The following LETM1 variants were observed in gnomAD, a reference collection of about 807,000 sequenced individuals.
LETM1 encodes the protein leucine zipper and EF-hand containing transmembrane protein 1, also known as mitochondrial proton/calcium exchanger protein.
LETM1 carries 50 observed loss-of-function variants against 74.5 expected under a neutral mutation model. The observed-to-expected ratio is 0.67, with a 90% confidence interval of 0.53 to 0.85. The LOEUF (loss-of-function observed/expected upper bound fraction) is 0.85. Ranked by LOEUF, LETM1 falls within the 40% of genes least tolerant of loss-of-function variation. The probability of loss-of-function intolerance (pLI) is 0.00; values close to 1 mark genes in which losing one functional copy is unlikely to be tolerated. For missense variants in LETM1, 824 were observed against 967.8 expected (o/e 0.85, Z 1.97); for synonymous variants, 446 against 407.1 (o/e 1.10, Z -1.15).
chr4:1,828,099 G>A (rs1712073867), intron 6 of LETM1, among the ~76,000 whole-genome samples: 1 of 124,390 alleles, frequency 8.0e-6, no homozygotes, highest in South Asian at 2.6e-4. Context: ...CAGGGGGGCT[G>A]ACACCCCCAC....
At chr4:1,824,918 G>A (rs1382004634) in intron 7 of LETM1, among the ~76,000 whole-genome samples, 1 of 152,214 alleles carries the variant, frequency 6.6e-6, no homozygotes, top group African/African-American at 2.4e-5. Flanking sequence ...GAGAGGAGAA[G>A]TGTGTACACA....
At position 1,819,992 on chromosome 4, in the gene LETM1, C is replaced by T. The variant is rs545464062; in HGVS notation, c.1609-520G>A. On this transcript the variant is annotated intron_variant, in intron 10 of 13. Coordinates refer to ENST00000302787, the MANE Select transcript of LETM1 (RefSeq NM_012318.3). Reference sequence around the variant, plus strand: ...TCACTCTGTTGCCCAGGCTGGAGGGCAGTGGTGCAATCATGGCTTGCTGCA... The same window carrying T: ...TCACTCTGTTGCCCAGGCTGGAGGGTAGTGGTGCAATCATGGCTTGCTGCA... Among the ~76,000 whole-genome samples, 48 of 152,242 alleles carry T rather than the reference C, an allele frequency of 3.2e-4. 1 individual carries two copies. The South Asian group carries it at 9.9e-3, about 32-fold the overall frequency.
intron 2 of LETM1, 41 bp from the exon 3 acceptor site, chr4:1,841,838 A>C (rs1244435186): frequency 6.8e-7 from 1 of 1,478,222 alleles, no homozygotes; most frequent in Non-Finnish European, 9.3e-7. Context: ...AAGAGCCAGC[A>C]CTAGCCTTTG....
rs745839823 is a variant in LETM1, at chr4:1,841,508, CG to C, written c.432del (p.Ala145GlnfsTer5). ...LEEGGPVYSP[P>X]AEVVVKKSLG... ...AGGGACTTCTTCACCACCACCTCTG[CG>C]GGGGGGCTGTACACCGGGCCGCCTT... is the stretch of plus-strand genomic sequence containing the variant. On this transcript the variant is annotated frameshift_variant, in exon 3 of 14. Transcript: ENST00000302787. LOFTEE classifies it high-confidence loss of function. 4 of 1,613,960 alleles carry C rather than the reference CG, an allele frequency of 2.5e-6. No homozygotes were observed. Among genetic ancestry groups the C allele is most frequent in the African/African-American group, 1.3e-5 (1 of 74,902 alleles).
chr4:1,823,582 C>A, intron 8 of LETM1, 62 bp downstream of exon 8: 1 of 1,601,732 alleles, frequency 6.2e-7, no homozygotes, highest in Non-Finnish European at 8.5e-7. Context: ...CCTCCCCCCA[C>A]CCCAGAAGAG....
At chr4:1,838,081 G>A (rs1284255638) in intron 3 of LETM1, among the ~76,000 whole-genome samples, 5 of 151,980 alleles carry the variant, frequency 3.3e-5, no homozygotes, top group African/African-American at 1.2e-4. Flanking sequence ...ACATTTCAGT[G>A]CACAGGATTA....
Position 1,841,510 on chromosome 4 carries a change from G to A in LETM1, c.431C>T (p.Pro144Leu), listed in dbSNP as rs376547370. The change falls in exon 3 of 14, where the codon CCC (proline) becomes CTC (leucine). Residue 144 changes from proline to leucine, a missense_variant. By Grantham distance (98) the Pro-to-Leu change is moderately conservative. Transcript: ENST00000302787. Reference protein sequence around the residue: ...LEEGGPVYSPPAEVVVKKSLG... With the variant: ...LEEGGPVYSPLAEVVVKKSLG... ...GGACTTCTTCACCACCACCTCTGCG[G>A]GGGGGCTGTACACCGGGCCGCCTTC... 1 of 1,614,210 alleles carries A rather than the reference G, an allele frequency of 6.2e-7. No homozygotes were observed. The highest frequency in any genetic ancestry group is 8.5e-7 in the Non-Finnish European group (1 of 1,180,036).
chr4:1,815,558 G>C (rs895667036), intron 13 of LETM1, 106 bp downstream of exon 13: 3 of 1,263,294 alleles, frequency 2.4e-6, no homozygotes, highest in African/African-American at 2.9e-5. Flanking sequence ...TGACAGGAGG[G>C]GGTAGCTGCC....
In LETM1 at chr4:1,855,054, G is replaced by A. The variant is rs189974099; in HGVS notation, c.82+815C>T. On this transcript the variant is annotated intron_variant, in intron 1 of 13. Coordinates refer to ENST00000302787, the MANE Select transcript of LETM1 (RefSeq NM_012318.3). The stretch of plus-strand genomic sequence containing the variant: ...AACTACAAAAAAAAAAATTAGCTGG[G>A]TGTTGTGTGGCACAACTAACAACTT... Among the ~76,000 whole-genome samples, 682 of 152,196 alleles carry A rather than the reference G, an allele frequency of 4.5e-3. 11 individuals are homozygous for A. Among genetic ancestry groups the A allele is most frequent in the Non-Finnish European group, 7.9e-3 (540 of 68,004 alleles).
chr4:1,818,385 G>A (rs1036559584), intron 11 of LETM1, among the ~76,000 whole-genome samples: 8 of 152,012 alleles, frequency 5.3e-5, no homozygotes, highest in African/African-American at 1.7e-4. Context: ...AGGCTGAGGC[G>A]GGTGGATCAT....
Position 1,825,638 on chromosome 4 carries a change from G to A in LETM1, c.1126C>T (p.Gln376Ter). Residue 376 changes from glutamine to a stop codon, truncating the protein, a stop_gained, in exon 7 of 14, where the codon CAG (glutamine) becomes TAG (stop). Transcript: ENST00000302787. LOFTEE classifies it high-confidence loss of function. ...ATGCCTCGTGCCCGACACGCTGCCT[G>A]CAGCTCCTTGACATTCAGGCTGTCC... The part of the protein sequence containing the change: ...GVDSLNVKEL[Q>*]AACRARGMRA... 2 of 1,614,044 alleles carry A rather than the reference G, an allele frequency of 1.2e-6. No individual in the cohort carries two copies. Among genetic ancestry groups the A allele is most frequent in the Non-Finnish European group, 1.7e-6 (2 of 1,179,966 alleles).
chr4:1,837,490 G>T, intron 3 of LETM1, among the ~76,000 whole-genome samples: 1 of 152,046 alleles, frequency 6.6e-6, no homozygotes. Flanking sequence ...TACAATTTAC[G>T]GCTGTCTTTA....
At chr4:1,844,745 T>TA (rs1241542279) in intron 2 of LETM1, among the ~76,000 whole-genome samples, 1,550 of 144,074 alleles carry the variant, frequency 0.011, 12 homozygotes, top group East Asian at 0.022. Context: ...GAGACTGTCT[T>TA]AAAAAAAAAA....
At chr4:1,855,814 C>T (rs947661750) in intron 1 of LETM1, 55 bp downstream of exon 1, 3 of 1,079,268 alleles carry the variant, frequency 2.8e-6, no homozygotes, top group African/African-American at 1.6e-5. Context: ...GGGTCGTCCG[C>T]GCTCCCGACC....
chr4:1,815,609 C>A, intron 13 of LETM1, 55 bp downstream of exon 13: 1 of 1,599,774 alleles, frequency 6.3e-7, no homozygotes, highest in Non-Finnish European at 8.5e-7. Flanking sequence ...CCCCCTGCCC[C>A]ACCCCACTCC....
intron 1 of LETM1, among the ~76,000 whole-genome samples, chr4:1,850,210 AGTTTCTGGAAGCCAGTTCT>A (rs1713021356): frequency 6.6e-6 from 1 of 152,202 alleles, no homozygotes; most frequent in African/African-American, 2.4e-5. Flanking sequence ...AACCTCTGTA[AGTTTCTGGAAGCCAGTTCT>A]GAGTGTTGGA....
intron 1 of LETM1, among the ~76,000 whole-genome samples, chr4:1,855,197 C>T (rs1713196461): frequency 1.3e-5 from 2 of 152,238 alleles, no homozygotes; most frequent in South Asian, 2.1e-4. Flanking sequence ...ATGTTTATTC[C>T]AATTTTACAA....
chr4:1,847,824 C>CA (rs778839346), intron 2 of LETM1, among the ~76,000 whole-genome samples: 1,356 of 41,200 alleles, frequency 0.033, 14 homozygotes, highest in Non-Finnish European at 0.041. Flanking sequence ...AACTCGGTCT[C>CA]AAAAAAAAAA....
chr4:1,838,439 G>A (rs1029947781), intron 3 of LETM1, among the ~76,000 whole-genome samples: 2 of 152,096 alleles, frequency 1.3e-5, no homozygotes, highest in African/African-American at 4.8e-5. Flanking sequence ...CACTTTGGGA[G>A]GCCGAGGCAG....
Sources: gnomAD v4.1 joint callset for allele counts (sites outside exome capture counted in the v4.1 genomes callset) on GRCh38, gnomAD v4.1.1 for gene constraint, MANE v1.5 for transcripts, NCBI Gene and HGNC (gene_info 2026-07-23, HGNC 2026-07-21) for gene names.